PKP1: variants seen among roughly 807,000 people sequenced by gnomAD.
The protein encoded by PKP1 is plakophilin-1.
PKP1 carries 27 observed loss-of-function variants against 76.4 expected under a neutral mutation model. The observed-to-expected ratio is 0.35, with a 90% CI of 0.26 to 0.49. PKP1 has a LOEUF of 0.49. Ranked by LOEUF, PKP1 falls within the 20% of genes least tolerant of loss-of-function variation. The probability of loss-of-function intolerance (pLI) is 0.99; values close to 1 mark genes in which losing one functional copy is unlikely to be tolerated. For missense variants in PKP1, 964 were observed against 955.2 expected (o/e 1.01, Z -0.12); for synonymous variants, 404 against 384.2 (o/e 1.05, Z -0.60).
At position 201,322,072 on chromosome 1, in the gene PKP1, G is replaced by C; in HGVS notation, c.1442G>C (p.Arg481Pro). 3 of 1,613,298 alleles carry C rather than the reference G, an allele frequency of 1.9e-6. No homozygotes were observed. The highest frequency in any genetic ancestry group is 2.5e-6 in the Non-Finnish European group (3 of 1,179,956). Residue 481 changes from arginine (R) to proline (P), a missense_variant, in exon 8 of 14, where the codon CGC (arginine) becomes CCC (proline). Coordinates refer to ENST00000367324, the MANE Select transcript of PKP1 (RefSeq NM_001005337.3). ...TACCGCCAGCTGGAGTATAACGCCC[G>C]CAACGCCTACACCGAGAAGTCCTCC... ...TRYRQLEYNARNAYTEKSSTG... is the reference protein window; with the variant it reads ...TRYRQLEYNAPNAYTEKSSTG...
intron 3 of PKP1, among the ~76,000 whole-genome samples, chr1:201,313,975 C>A (rs1485467695): frequency 6.6e-6 from 1 of 152,216 alleles, no homozygotes. Context: ...TTAACAAGCC[C>A]TTCAGTGATT....
At chr1:201,306,921 C>T (rs1259915205) in intron 2 of PKP1, among the ~76,000 whole-genome samples, 1 of 152,192 alleles carries the variant, frequency 6.6e-6, no homozygotes, top group African/African-American at 2.4e-5. Context: ...CCGCCCGCCT[C>T]GGCCTCCCAA....
chr1:201,325,716 G>A, intron 11 of PKP1, 38 bp from the exon 12 acceptor site: 1 of 1,510,524 alleles, frequency 6.6e-7, no homozygotes, highest in Non-Finnish European at 9.2e-7. Context: ...CACACCTCCT[G>A]GAATCTCATC....
intron 4 of PKP1, among the ~76,000 whole-genome samples, chr1:201,317,323 C>A (rs976713634): frequency 1.3e-5 from 2 of 152,106 alleles, no homozygotes; most frequent in African/African-American, 4.8e-5. Context: ...GAGGAGGGAC[C>A]CTAGCTGAGG....
In PKP1 at chr1:201,297,540, G is replaced by T. The variant is rs145303878; in HGVS notation, c.306+3495G>T. Among the ~76,000 whole-genome samples the T allele has an allele frequency of 2.6e-3, 400 of 152,292 alleles. 1 individual carries two copies. Among genetic ancestry groups the T allele is most frequent in the Non-Finnish European group, 4.3e-3 (292 of 68,030 alleles). On this transcript the variant is annotated intron_variant, in intron 2 of 13. Transcript: ENST00000367324. ...TGAGGAAACGCAGGCCCAGAGAAGA[G>T]AAATTACTCCTTGAAGGCCACACAG... is the stretch of plus-strand genomic sequence containing the variant.
At chr1:201,301,129 G>A (rs181453258) in intron 2 of PKP1, among the ~76,000 whole-genome samples, 98 of 152,290 alleles carry the variant, frequency 6.4e-4, no homozygotes, top group African/African-American at 2.3e-3. Flanking sequence ...AGGAGCACCA[G>A]ACCCAGGAGA....
Position 201,320,293 on chromosome 1 carries a change from G to T in PKP1, c.1259G>T (p.Arg420Leu). The change falls in exon 7 of 14, where the codon CGC (arginine) becomes CTC (leucine). Residue 420 changes from arginine to leucine, a missense_variant. Physicochemically the swap from Arg to Leu is moderately radical, Grantham distance 102. Coordinates refer to ENST00000367324, the MANE Select transcript of PKP1 (RefSeq NM_001005337.3). ...LRNLSSADAGRQTMRNYSGLI... is the reference protein window; with the variant it reads ...LRNLSSADAGLQTMRNYSGLI... ...AACCTGAGCTCGGCCGATGCAGGCC[G>T]CCAGACCATGCGTAACTACTCAGGG... 2 of 1,613,592 alleles carry T rather than the reference G, an allele frequency of 1.2e-6. No homozygotes were observed. The highest frequency in any genetic ancestry group is 2.2e-5 in the East Asian group (1 of 44,854).
intron 5 of PKP1, among the ~76,000 whole-genome samples, chr1:201,318,058 A>G (rs1373945371): frequency 2.6e-5 from 4 of 152,198 alleles, no homozygotes; most frequent in Non-Finnish European, 5.9e-5. Context: ...CAAGATCCAT[A>G]TTCCACAAGC....
In PKP1 at chr1:201,318,677, C is replaced by T. The variant is rs367927398; in HGVS notation, c.1114C>T (p.Leu372=). 8.1e-6 allele frequency: 13 copies of T among 1,612,274 alleles called. No homozygotes were observed. Among genetic ancestry groups the T allele is most frequent in the Non-Finnish European group, 1.1e-5 (13 of 1,179,956 alleles). Residue 372 remains leucine, a synonymous_variant, in exon 6 of 14, where the codon CTG becomes TTG. Transcript: ENST00000367324. ...ELKEELIADA[L]PVLADRVIIP... ...GAAGGAGGAACTCATTGCCGACGCC[C>T]TGCCTGTTCTGGCCGACCGCGTCAT...
rs74958825 is a variant in PKP1, at chr1:201,290,748, A to G, written c.203-3194A>G. 3.6e-3 allele frequency among the ~76,000 whole-genome samples: 548 copies of G among 152,328 alleles called. 3 individuals are homozygous for G. The highest frequency in any genetic ancestry group is 0.013 in the South Asian group (61 of 4,832). On this transcript the variant is annotated intron_variant, in intron 1 of 13. Transcript: ENST00000367324. ...AGACCCAGCTGGGGCAATGCCCTGA[A>G]CTCAAGGTCCCAGGGAAAGAAAGAC...
chr1:201,288,280 C>T (rs1450931385), intron 1 of PKP1, among the ~76,000 whole-genome samples: 1 of 152,184 alleles, frequency 6.6e-6, no homozygotes, highest in African/African-American at 2.4e-5. Flanking sequence ...TTGCCCAGAC[C>T]GCCAGCAGCT....
chr1:201,332,558 C>T lies in PKP1; in HGVS notation c.*2517C>T, dbSNP rs1372184494. The T allele has an allele frequency of 1.3e-5, 2 of 152,234 alleles. No individual in the cohort carries two copies. Among genetic ancestry groups the T allele is most frequent in the African/African-American group, 4.8e-5 (2 of 41,454 alleles). The allele number at this position is 152,234 out of a possible 1,614,324, so 9.4% of individuals were successfully genotyped here. ...GGCCTCACACTACCAGGGCCAATGC[C>T]CAAAATAAGGAGTTCCAATTTGGGG... On this transcript the variant is annotated 3_prime_UTR_variant, in exon 14 of 14. Coordinates refer to ENST00000367324, the MANE Select transcript of PKP1 (RefSeq NM_001005337.3).
intron 2 of PKP1, among the ~76,000 whole-genome samples, chr1:201,296,156 T>C (rs901579431): frequency 3.2e-4 from 48 of 152,228 alleles, no homozygotes; most frequent in African/African-American, 1.1e-3. Context: ...CAGGAGAGGC[T>C]GTGGGAAGAG....
rs999437403 is a variant in PKP1, at chr1:201,283,599, C to T, written c.-104C>T. 22 of 1,020,568 alleles carry T rather than the reference C, an allele frequency of 2.2e-5. No homozygotes were observed. Among genetic ancestry groups the T allele is most frequent in the South Asian group, 1.2e-4 (9 of 73,356 alleles). 63.2% of individuals were successfully genotyped at this position (1,020,568 alleles called of 1,614,324 possible). A position where few individuals can be genotyped will look rare whatever the true frequency, so the allele number is the denominator to read the frequency against. ...CGCACTCTATGGCCGTAGGGAGCCG[C>T]TGAGAGCGAGAAGAGCACGCTCCTG... On this transcript the variant is annotated 5_prime_UTR_variant, in exon 1 of 14. Coordinates refer to ENST00000367324, the MANE Select transcript of PKP1 (RefSeq NM_001005337.3).
At chr1:201,294,303 C>A (rs1656015016) in intron 2 of PKP1, among the ~76,000 whole-genome samples, 1 of 152,200 alleles carries the variant, frequency 6.6e-6, no homozygotes, top group African/African-American at 2.4e-5. Context: ...CATTTAAAAA[C>A]AAGTCCATTT....
At chr1:201,295,032 C>T (rs1263378859) in intron 2 of PKP1, among the ~76,000 whole-genome samples, 3 of 151,810 alleles carry the variant, frequency 2.0e-5, no homozygotes, top group Non-Finnish European at 4.4e-5. Context: ...TTTGTAAGGC[C>T]CTCAAGACAT....
At position 201,283,917 on chromosome 1, in the gene PKP1, C is replaced by T; in HGVS notation, c.202+13C>T. 3.1e-6 allele frequency: 5 copies of T among 1,610,842 alleles called. No homozygotes were observed. The highest frequency in any genetic ancestry group is 1.1e-5 in the South Asian group (1 of 90,970). ...CACTCCAATCGAGGTAAAGGCTCGGCCCCCGCGTGGTCCGTGCGCCCCTTT... is the reference window on the plus strand; with the variant it reads ...CACTCCAATCGAGGTAAAGGCTCGGTCCCCGCGTGGTCCGTGCGCCCCTTT... On this transcript the variant is annotated intron_variant, in intron 1 of 13. Transcript: ENST00000367324.
rs558945750 is a variant in PKP1 at position 201,324,292 on chromosome 1, A to G, written c.1681-136A>G. On this transcript the variant is annotated intron_variant, in intron 9 of 13. Coordinates refer to ENST00000367324, the MANE Select transcript of PKP1 (RefSeq NM_001005337.3). The stretch of plus-strand genomic sequence containing the variant: ...TTAGCCTAGGTTTCTGTAGTTGCCC[A>G]CATGTGAGCTAGTGCTTCCAATATG... The G allele has an allele frequency of 3.6e-5, 31 of 862,882 alleles. No individual in the cohort carries two copies. In the South Asian group the frequency reaches 4.0e-4, roughly 11 times the overall value. 53.5% of individuals were successfully genotyped at this position (862,882 alleles called of 1,614,324 possible).
intron 2 of PKP1, among the ~76,000 whole-genome samples, chr1:201,308,991 A>T (rs766080345): frequency 3.5e-4 from 54 of 152,238 alleles, no homozygotes; most frequent in Non-Finnish European, 5.7e-4. Context: ...ATGGAAGGAC[A>T]GGAGGATGCC....
Sources: gnomAD v4.1 joint callset for allele counts (sites outside exome capture counted in the v4.1 genomes callset) on GRCh38, gnomAD v4.1.1 for gene constraint, MANE v1.5 for transcripts, NCBI Gene and HGNC (gene_info 2026-07-23, HGNC 2026-07-21) for gene names.